Variants in GRIN2A observed in about 807,000 individuals in gnomAD.
The protein encoded by GRIN2A is glutamate receptor ionotropic, NMDA 2A.
Under a neutral mutation model 113.4 loss-of-function variants are expected in GRIN2A, and 22 were observed. That is an observed-to-expected ratio of 0.19 (90% CI 0.14 to 0.28). The LOEUF (loss-of-function observed/expected upper bound fraction) is 0.28. Among genes scored for constraint, GRIN2A ranks in the 10% least tolerant of loss-of-function variants. The pLI, the probability that GRIN2A is intolerant of heterozygous loss-of-function variation, is 1.00. For synonymous variants in GRIN2A, 827 were observed against 738.4 expected (o/e 1.12, Z -1.94); for missense variants, 1,502 against 1,887.0 (o/e 0.80, Z 3.78).
chr16:10,084,859 T>C (rs1350830498), intron 2 of GRIN2A, among the ~76,000 whole-genome samples: 2 of 152,174 alleles, frequency 1.3e-5, no homozygotes, highest in East Asian at 1.9e-4. Flanking sequence ...CCTAGGTCAG[T>C]GCCTGATACA....
rs1038947395 is a variant in GRIN2A at position 9,753,628 on chromosome 16, C to A, written c.*9521G>T. On this transcript the variant is annotated 3_prime_UTR_variant, in exon 13 of 13. Transcript: ENST00000330684. ...AGAAGACAACCATAGTATATACTTC[C>A]TCTATCATAGAAAGGTGTTAAGCAA... is the stretch of plus-strand genomic sequence containing the variant. 2 of 195,344 alleles carry A rather than the reference C, an allele frequency of 1.0e-5. No individual in the cohort carries two copies. Among genetic ancestry groups the A allele is most frequent in the Non-Finnish European group, 2.1e-5 (2 of 93,938 alleles). 12.1% of individuals were successfully genotyped at this position (195,344 alleles called of 1,614,324 possible).
intron 4 of GRIN2A, among the ~76,000 whole-genome samples, chr16:9,886,441 C>T (rs2043588194): frequency 2.0e-5 from 3 of 152,102 alleles, no homozygotes; most frequent in Admixed American, 2.0e-4. Flanking sequence ...CATGGAGTTG[C>T]AAATCACTTG....
At chr16:10,026,572 A>T (rs1374950274) in intron 2 of GRIN2A, among the ~76,000 whole-genome samples, 1 of 150,902 alleles carries the variant, frequency 6.6e-6, no homozygotes, top group East Asian at 1.9e-4. Context: ...CATTAGGTTC[A>T]TCTCTAACTC....
At chr16:9,796,441 A>C (rs1212754410) in intron 11 of GRIN2A, among the ~76,000 whole-genome samples, 2 of 152,242 alleles carry the variant, frequency 1.3e-5, no homozygotes, top group South Asian at 2.1e-4. Context: ...ATTCTTCAGC[A>C]TACTCTCAGT....
intron 3 of GRIN2A, among the ~76,000 whole-genome samples, chr16:9,918,862 C>T (rs113709333): frequency 0.017 from 2,515 of 151,636 alleles, 33 homozygotes; most frequent in Non-Finnish European, 0.022. Flanking sequence ...TAAACCACTA[C>T]GGGCGTTTAG....
Position 9,764,575 on chromosome 16 carries a change from T to G in GRIN2A, c.2969A>C (p.Glu990Ala). The G allele has an allele frequency of 6.2e-7, 1 of 1,614,042 alleles. No individual in the cohort carries two copies. The stretch of plus-strand genomic sequence containing the variant: ...CACCTCCACCGTGTTAGGGTTGGAC[T>G]CATTGAGAGTAAGAGGATGTTGTCC... ...FQGQHPLTLN[E>A]SNPNTVEVAV... The change falls in exon 13 of 13, where the codon GAG becomes GCG. Residue 990 changes from glutamate to alanine, a missense_variant. Glu to Ala is a moderately radical substitution (Grantham distance 107, BLOSUM62 -1). Coordinates refer to ENST00000330684, the MANE Select transcript of GRIN2A (RefSeq NM_001134407.3).
chr16:10,017,406 G>A (rs1450137168), intron 2 of GRIN2A, among the ~76,000 whole-genome samples: 1 of 152,092 alleles, frequency 6.6e-6, no homozygotes, highest in East Asian at 1.9e-4. Flanking sequence ...GAAGGCAGGA[G>A]GGGAAATCAT....
intron 3 of GRIN2A, among the ~76,000 whole-genome samples, chr16:9,925,261 C>T (rs1186402403): frequency 1.3e-5 from 2 of 152,098 alleles, no homozygotes; most frequent in Non-Finnish European, 2.9e-5. Context: ...TGAGACAACC[C>T]CCTTCTGTGT....
At chr16:9,802,161 G>A (rs1035960811) in intron 10 of GRIN2A, among the ~76,000 whole-genome samples, 2 of 152,130 alleles carry the variant, frequency 1.3e-5, no homozygotes, top group Non-Finnish European at 2.9e-5. Context: ...GCAGTGTGGC[G>A]ATTCCTCAAA....
chr16:10,123,073 A>G (rs753907401), intron 2 of GRIN2A, among the ~76,000 whole-genome samples: 1 of 152,248 alleles, frequency 6.6e-6, no homozygotes, highest in Non-Finnish European at 1.5e-5. Context: ...AATGTTTCAC[A>G]TCAAAGAAGA....
At chr16:10,143,092 G>C (rs1297357717) in intron 2 of GRIN2A, among the ~76,000 whole-genome samples, 1 of 152,174 alleles carries the variant, frequency 6.6e-6, no homozygotes, top group African/African-American at 2.4e-5. Flanking sequence ...AAATTGTGTT[G>C]AGCTGGTGAA....
intron 11 of GRIN2A, among the ~76,000 whole-genome samples, chr16:9,783,074 G>A (rs1902022433): frequency 1.3e-5 from 2 of 152,022 alleles, no homozygotes; most frequent in Admixed American, 1.3e-4. Context: ...TAGTTGTTGG[G>A]GCATCAGAAT....
At chr16:9,912,144 T>C (rs750740491) in intron 3 of GRIN2A, among the ~76,000 whole-genome samples, 2 of 151,228 alleles carry the variant, frequency 1.3e-5, no homozygotes, top group Non-Finnish European at 2.9e-5. Context: ...ACGATGACGA[T>C]AAAGGAAAAG....
At chr16:9,951,492 A>T (rs1416654158) in intron 2 of GRIN2A, among the ~76,000 whole-genome samples, 1 of 152,206 alleles carries the variant, frequency 6.6e-6, no homozygotes, top group Admixed American at 6.5e-5. Context: ...CAAAAAGCTA[A>T]TATCTGTTTG....
Position 9,938,551 on chromosome 16 carries a change from C to T in GRIN2A, c.415G>A (p.Asp139Asn). The stretch of plus-strand genomic sequence containing the variant: ...AACTGGAAGAAGGTAGACGTCGGAT[C>T]CTGCCAGTGAAAAGAAAGTAAAACA... ...GGASMIMADK[D>N]PTSTFFQFGA... The change falls in exon 3 of 13, where the codon GAT becomes AAT. Residue 139 changes from aspartate (D) to asparagine (N), a missense_variant and splice_region_variant. Physicochemically the swap from Asp to Asn is conservative, Grantham distance 23 (BLOSUM62 1). This residue lies in a region of GRIN2A where 334 missense variants were observed against 403.0 expected (regional missense o/e 0.83). Coordinates refer to ENST00000330684, the MANE Select transcript of GRIN2A (RefSeq NM_001134407.3). 1 of 1,601,542 alleles carries T rather than the reference C, an allele frequency of 6.2e-7. No individual in the cohort carries two copies. Among genetic ancestry groups the T allele is most frequent in the Non-Finnish European group, 8.5e-7 (1 of 1,179,126 alleles).
intron 2 of GRIN2A, among the ~76,000 whole-genome samples, chr16:10,109,500 A>G (rs2048568533): frequency 6.6e-6 from 1 of 152,222 alleles, no homozygotes; most frequent in East Asian, 1.9e-4. Flanking sequence ...TCGCAAACAT[A>G]CATGCAAAAG....
At chr16:9,945,494 C>A (rs761414698) in intron 2 of GRIN2A, among the ~76,000 whole-genome samples, 1 of 152,132 alleles carries the variant, frequency 6.6e-6, no homozygotes, top group Non-Finnish European at 1.5e-5. Context: ...CCACATCACA[C>A]AATGAATGCC....
intron 2 of GRIN2A, among the ~76,000 whole-genome samples, chr16:10,130,239 C>T (rs1305932103): frequency 5.3e-5 from 8 of 152,166 alleles, no homozygotes; most frequent in Admixed American, 3.3e-4. Context: ...AATGGTAAAG[C>T]AAGCTGAATT....
intron 3 of GRIN2A, among the ~76,000 whole-genome samples, chr16:9,915,424 G>C (rs963271527): frequency 2.0e-5 from 3 of 152,114 alleles, no homozygotes; most frequent in Non-Finnish European, 2.9e-5. Flanking sequence ...TTCTAATAAA[G>C]GTAGAAAATA....
Sources: gnomAD v4.1 joint callset for allele counts (sites outside exome capture counted in the v4.1 genomes callset) on GRCh38, gnomAD v4.1.1 for gene constraint, gnomAD v4.1.1 regional missense constraint, MANE v1.5 for transcripts, NCBI Gene and HGNC (gene_info 2026-07-23, HGNC 2026-07-21) for gene names.